The following MAML2 variants were observed in gnomAD, a reference collection of about 807,000 sequenced individuals.
MAML2 encodes mastermind-like protein 2.
MAML2 carries 22 observed loss-of-function variants against 96.1 expected under a neutral mutation model. The observed-to-expected ratio is 0.23, with a 90% CI of 0.16 to 0.33. The LOEUF (loss-of-function observed/expected upper bound fraction) is 0.33, where lower values mean the gene tolerates loss of function less well. Ranked by LOEUF, MAML2 falls within the 10% of genes least tolerant of loss-of-function variation. The pLI is 1.00. For synonymous variants in MAML2, 561 were observed against 521.3 expected (o/e 1.08, Z -1.04); for missense variants, 1,367 against 1,392.4 (o/e 0.98, Z 0.29).
intron 1 of MAML2, among the ~76,000 whole-genome samples, chr11:96,318,532 G>A (rs934392907): frequency 2.6e-5 from 4 of 152,130 alleles, no homozygotes; most frequent in African/African-American, 9.7e-5. Context: ...CCTTATTGTG[G>A]CAGATAAAGA....
chr11:95,979,950 T>C lies in MAML2; in HGVS notation c.2469A>G (p.Thr823=), dbSNP rs564048637. 10 of 1,611,672 alleles carry C rather than the reference T, an allele frequency of 6.2e-6. No individual in the cohort carries two copies. The highest frequency in any genetic ancestry group is 8.5e-6 in the Non-Finnish European group (10 of 1,178,762). Reference sequence around the variant, plus strand: ...AAGCCTGGTTAGAGTTTAAGCTTATTGTGGATGAGCCACCTGAGAAAAAGA... The same window carrying C: ...AAGCCTGGTTAGAGTTTAAGCTTATCGTGGATGAGCCACCTGAGAAAAAGA... ...PTAQYSGGSS[T]ISLNSNQALA... Residue 823 remains threonine (T), a synonymous_variant, in exon 5 of 5, where the codon ACA becomes ACG. Coordinates refer to ENST00000524717, the MANE Select transcript of MAML2 (RefSeq NM_032427.4).
intron 1 of MAML2, among the ~76,000 whole-genome samples, chr11:96,277,970 C>A (rs1220641062): frequency 2.0e-5 from 3 of 148,986 alleles, no homozygotes; most frequent in South Asian, 2.1e-4. Flanking sequence ...GCTAGATACA[C>A]AACAGAATCA....
At chr11:96,252,886 G>A (rs1009970838) in intron 1 of MAML2, among the ~76,000 whole-genome samples, 5 of 152,142 alleles carry the variant, frequency 3.3e-5, no homozygotes, top group African/African-American at 1.2e-4. Context: ...TTTTCCTGAC[G>A]AAGAACTGCA....
chr11:96,170,989 T>A (rs2155003), intron 1 of MAML2, among the ~76,000 whole-genome samples: 15,137 of 152,046 alleles, frequency 0.1, 839 homozygotes, highest in African/African-American at 0.13. Flanking sequence ...GTGCTGGGAT[T>A]ACAGGCGTGA....
chr11:96,294,681 G>C (rs766497303), intron 1 of MAML2, among the ~76,000 whole-genome samples: 2 of 152,070 alleles, frequency 1.3e-5, no homozygotes, highest in Non-Finnish European at 2.9e-5. Flanking sequence ...AATCACCTTT[G>C]GAATAAACAA....
In MAML2 at chr11:96,126,142, T is replaced by C. The variant is rs1860434286; in HGVS notation, c.514-32625A>G. Reference sequence around the variant, plus strand: ...CAGCATCTGGATGTGCAAGGTGTTATGCTGGGAGATCTGAGGGATATAGGA... The same window carrying C: ...CAGCATCTGGATGTGCAAGGTGTTACGCTGGGAGATCTGAGGGATATAGGA... On this transcript the variant is annotated intron_variant, in intron 1 of 4. Coordinates refer to ENST00000524717, the MANE Select transcript of MAML2 (RefSeq NM_032427.4). Among the ~76,000 whole-genome samples the C allele has an allele frequency of 2.0e-5, 3 of 152,220 alleles. No individual in the cohort carries two copies. The South Asian group carries it at 6.2e-4, about 32-fold the overall frequency.
intron 2 of MAML2, among the ~76,000 whole-genome samples, chr11:96,051,446 T>A (rs1287675777): frequency 6.6e-6 from 1 of 152,206 alleles, no homozygotes; most frequent in African/African-American, 2.4e-5. Context: ...TTATTCTACC[T>A]ACTAATAATA....
At chr11:96,304,565 C>A (rs7941504) in intron 1 of MAML2, among the ~76,000 whole-genome samples, 4 of 152,154 alleles carry the variant, frequency 2.6e-5, no homozygotes, top group Admixed American at 6.5e-5. Flanking sequence ...CTGAGAGTGG[C>A]ACCCAGGTTT....
At chr11:96,158,447 C>A (rs1565232325) in intron 1 of MAML2, among the ~76,000 whole-genome samples, 2 of 152,184 alleles carry the variant, frequency 1.3e-5, no homozygotes, top group African/African-American at 4.8e-5. Context: ...CTTCAAAGGG[C>A]AGCTCATGAG....
chr11:96,277,608 A>G (rs1863007735), intron 1 of MAML2, among the ~76,000 whole-genome samples: 1 of 151,648 alleles, frequency 6.6e-6, no homozygotes, highest in South Asian at 2.1e-4. Flanking sequence ...AAAAATTAGC[A>G]GGGCGTGGTA....
intron 1 of MAML2, among the ~76,000 whole-genome samples, chr11:96,096,777 A>C (rs1591011282): frequency 6.6e-6 from 1 of 152,244 alleles, no homozygotes; most frequent in Non-Finnish European, 1.5e-5. Flanking sequence ...AAGCCAGAAA[A>C]TAACAAGCAC....
chr11:96,160,584 T>C (rs1479380149), intron 1 of MAML2, among the ~76,000 whole-genome samples: 2 of 152,120 alleles, frequency 1.3e-5, no homozygotes, highest in African/African-American at 4.8e-5. Flanking sequence ...CCTGCCACTA[T>C]GTCCAGCTAA....
chr11:96,266,329 G>A (rs867842041), intron 1 of MAML2, among the ~76,000 whole-genome samples: 25 of 152,112 alleles, frequency 1.6e-4, no homozygotes, highest in South Asian at 2.1e-4. Flanking sequence ...CCAGCACTTC[G>A]GGAGGTCGAG....
intron 1 of MAML2, among the ~76,000 whole-genome samples, chr11:96,292,826 G>C (rs1047114959): frequency 6.6e-6 from 1 of 152,074 alleles, no homozygotes; most frequent in African/African-American, 2.4e-5. Context: ...GTGAGTTTAT[G>C]AGAGTAGGAT....
intron 1 of MAML2, among the ~76,000 whole-genome samples, chr11:96,123,303 CTT>C (rs112366508): frequency 4.8e-4 from 71 of 147,496 alleles, no homozygotes; most frequent in African/African-American, 8.7e-4. Flanking sequence ...CATTTACAGT[CTT>C]TTTTTTTTTT....
chr11:96,165,880 TC>T (rs1298911798), intron 1 of MAML2, among the ~76,000 whole-genome samples: 1 of 152,180 alleles, frequency 6.6e-6, no homozygotes, highest in African/African-American at 2.4e-5. Flanking sequence ...GTTGAACATT[TC>T]CCCCATATAT....
chr11:96,161,922 G>T (rs1349885780), intron 1 of MAML2, among the ~76,000 whole-genome samples: 1 of 152,148 alleles, frequency 6.6e-6, no homozygotes, highest in Non-Finnish European at 1.5e-5. Flanking sequence ...CAACAGGTTG[G>T]TGCCAGTACC....
rs184365109 is a variant in MAML2 at position 96,208,233 on chromosome 11, C to T, written c.514-114716G>A. ...GACTCCTCCAATGGGGTTATTCTGT[C>T]AAAATTCTTAGCAAAATACATCACC... is the stretch of plus-strand genomic sequence containing the variant. On this transcript the variant is annotated intron_variant, in intron 1 of 4. Coordinates refer to ENST00000524717, the MANE Select transcript of MAML2 (RefSeq NM_032427.4). Among the ~76,000 whole-genome samples the T allele has an allele frequency of 2.0e-5, 3 of 152,288 alleles. No homozygotes were observed. The East Asian group carries it at 5.8e-4, about 29-fold the overall frequency.
intron 1 of MAML2, among the ~76,000 whole-genome samples, chr11:96,265,524 C>A (rs1278742552): frequency 3.3e-5 from 5 of 150,268 alleles, no homozygotes; most frequent in African/African-American, 1.3e-4. Context: ...TAGGACTCCA[C>A]CCCCACGGAC....
Sources: gnomAD v4.1 joint callset for allele counts (sites outside exome capture counted in the v4.1 genomes callset) on GRCh38, gnomAD v4.1.1 for gene constraint, MANE v1.5 for transcripts, NCBI Gene and HGNC (gene_info 2026-07-23, HGNC 2026-07-21) for gene names.